GABBR2: variants seen among roughly 807,000 people sequenced by gnomAD.
The protein encoded by GABBR2 is G-protein coupled receptor 51.
GABBR2 carries 23 observed loss-of-function variants against 105.6 expected under a neutral mutation model. The ratio of observed to expected loss-of-function variants is 0.22; its 90% CI spans 0.16 to 0.31. The LOEUF is 0.31. Ranked by LOEUF, GABBR2 falls within the 10% of genes least tolerant of loss-of-function variation. GABBR2 has a pLI of 1.00. For synonymous variants in GABBR2, 478 were observed against 499.7 expected (o/e 0.96, Z 0.58); for missense variants, 734 against 1,245.5 (o/e 0.59, Z 6.18).
intron 3 of GABBR2, among the ~76,000 whole-genome samples, chr9:98,511,317 T>C (rs1315764685): frequency 1.3e-5 from 2 of 149,620 alleles, no homozygotes; most frequent in Non-Finnish European, 3.0e-5. Context: ...AGATCTAAAA[T>C]TGACACCCTA....
chr9:98,344,235 C>T (rs1831264513), intron 13 of GABBR2, among the ~76,000 whole-genome samples: 1 of 152,164 alleles, frequency 6.6e-6, no homozygotes, highest in Non-Finnish European at 1.5e-5. Flanking sequence ...TTCCCATCTC[C>T]AGCCCACACC....
intron 1 of GABBR2, among the ~76,000 whole-genome samples, chr9:98,700,881 C>T (rs2131886621): frequency 6.6e-6 from 1 of 152,320 alleles, no homozygotes; most frequent in African/African-American, 2.4e-5. Flanking sequence ...CAAAAGTGGC[C>T]TGGCTCCTCG....
At chr9:98,312,106 C>T (rs760136305) in intron 13 of GABBR2, among the ~76,000 whole-genome samples, 1 of 152,226 alleles carries the variant, frequency 6.6e-6, no homozygotes, top group Non-Finnish European at 1.5e-5. Flanking sequence ...CAATCACATA[C>T]ACTTACTAAA....
At chr9:98,302,663 A>G (rs1317908115) in intron 16 of GABBR2, among the ~76,000 whole-genome samples, 1 of 152,064 alleles carries the variant, frequency 6.6e-6, no homozygotes, top group East Asian at 1.9e-4. Flanking sequence ...AGGGAGGGGT[A>G]GAGGAGGGGA....
chr9:98,446,527 T>C (rs1349599801), intron 7 of GABBR2, among the ~76,000 whole-genome samples: 1 of 152,190 alleles, frequency 6.6e-6, no homozygotes, highest in Non-Finnish European at 1.5e-5. Context: ...GTACATTTCA[T>C]CTGAGTTTGA....
intron 13 of GABBR2, among the ~76,000 whole-genome samples, chr9:98,318,728 C>T (rs1419959557): frequency 6.6e-6 from 1 of 152,224 alleles, no homozygotes; most frequent in African/African-American, 2.4e-5. Context: ...GGGTGCTTTC[C>T]ACCTTCTGAC....
intron 1 of GABBR2, among the ~76,000 whole-genome samples, chr9:98,674,427 C>G (rs949148931): frequency 1.4e-5 from 2 of 143,626 alleles, no homozygotes; most frequent in Non-Finnish European, 3.0e-5. Flanking sequence ...GTGCTGGCTC[C>G]TGGTCTAGGG....
intron 7 of GABBR2, among the ~76,000 whole-genome samples, chr9:98,426,502 A>T (rs1721441535): frequency 6.6e-6 from 1 of 152,206 alleles, no homozygotes; most frequent in Admixed American, 6.5e-5. Context: ...ATGAGTCACC[A>T]GTTGAGCCCC....
intron 13 of GABBR2, among the ~76,000 whole-genome samples, chr9:98,326,732 A>T (rs1830931295): frequency 6.6e-6 from 1 of 152,232 alleles, no homozygotes; most frequent in South Asian, 2.1e-4. Context: ...TGAGATTTAG[A>T]GGTTCCTTAT....
chr9:98,303,603 G>A (rs1177434147), intron 15 of GABBR2, among the ~76,000 whole-genome samples, 180 bp from the exon 16 acceptor site: 1 of 152,230 alleles, frequency 6.6e-6, no homozygotes, highest in Non-Finnish European at 1.5e-5. Flanking sequence ...GCTTGTGTGT[G>A]ACCTGGGGCA....
chr9:98,305,089 G>A lies in GABBR2; in HGVS notation c.2229+1032C>T, dbSNP rs186255808. 1.1e-3 allele frequency among the ~76,000 whole-genome samples: 166 copies of A among 151,990 alleles called. 1 individual carries two copies. Among genetic ancestry groups the A allele is most frequent in the African/African-American group, 3.5e-3 (145 of 41,458 alleles). On this transcript the variant is annotated intron_variant, in intron 15 of 18. Coordinates refer to ENST00000259455, the MANE Select transcript of GABBR2 (RefSeq NM_005458.8). The stretch of plus-strand genomic sequence containing the variant: ...TGCCTGGCCACCTTCCTTTACTTTT[G>A]AGACTCACTTAGGTCAGGCTTCCCT...
rs987905540 is a variant in GABBR2 at position 98,388,432 on chromosome 9, C to T, written c.1529+422G>A. On this transcript the variant is annotated intron_variant, in intron 10 of 18. Transcript: ENST00000259455. The surrounding 1 kb of genome is among the most constrained non-coding windows in gnomAD (Gnocchi z 4.4). ...GACCCCCTTCAGTGGTGATTCCCAG[C>T]GATGCTAGGGGATAGGGGCAAAGAA... is the stretch of plus-strand genomic sequence containing the variant. Among the ~76,000 whole-genome samples the T allele has an allele frequency of 6.6e-6, 1 of 152,078 alleles. No individual in the cohort carries two copies. The highest frequency in any genetic ancestry group is 2.4e-5 in the African/African-American group (1 of 41,422).
At chr9:98,338,571 C>A (rs1018011044) in intron 13 of GABBR2, among the ~76,000 whole-genome samples, 1 of 152,168 alleles carries the variant, frequency 6.6e-6, no homozygotes, top group African/African-American at 2.4e-5. Context: ...CTCATCAAAA[C>A]CACCAGAAAC....
intron 13 of GABBR2, among the ~76,000 whole-genome samples, chr9:98,333,810 A>C (rs892287243): frequency 1.3e-5 from 2 of 152,206 alleles, no homozygotes; most frequent in African/African-American, 4.8e-5. Context: ...AGTTAAGCCT[A>C]GCTCCAGAGT....
At chr9:98,574,112 C>T (rs1828877980) in intron 2 of GABBR2, among the ~76,000 whole-genome samples, 1 of 152,178 alleles carries the variant, frequency 6.6e-6, no homozygotes, top group African/African-American at 2.4e-5. Context: ...CAAAACAGGG[C>T]AGGGCCTCAG....
At chr9:98,531,100 C>T (rs10986577) in intron 3 of GABBR2, among the ~76,000 whole-genome samples, 17,242 of 152,112 alleles carry the variant, frequency 0.11, 1,644 homozygotes, top group East Asian at 0.5. Context: ...ACTCAGTCAA[C>T]GCTATGTTCC....
intron 1 of GABBR2, among the ~76,000 whole-genome samples, chr9:98,614,253 G>A (rs1829547942): frequency 6.6e-6 from 1 of 152,194 alleles, no homozygotes; most frequent in Non-Finnish European, 1.5e-5. Flanking sequence ...GCTGGGCGCG[G>A]TGGCTCACGC....
At chr9:98,693,052 T>C (rs553784956) in intron 1 of GABBR2, among the ~76,000 whole-genome samples, 24 of 152,190 alleles carry the variant, frequency 1.6e-4, no homozygotes, top group Non-Finnish European at 2.8e-4. Flanking sequence ...GTGGCCTATG[T>C]TGATAGATCA....
chr9:98,607,025 T>C, intron 1 of GABBR2: 1 of 1,102,436 alleles, frequency 9.1e-7, no homozygotes, highest in Non-Finnish European at 1.4e-6. Flanking sequence ...CTGAAGGCTA[T>C]GTGGGATTTG....
Sources: allele counts gnomAD v4.1 joint callset (sites outside exome capture counted in the v4.1 genomes callset), GRCh38; gene constraint gnomAD v4.1.1; non-coding constraint Gnocchi (gnomAD v3.1); transcripts MANE v1.5; gene names NCBI Gene and HGNC (gene_info 2026-07-23, HGNC 2026-07-21).